The following C4orf54 variants were observed in gnomAD, a reference collection of about 807,000 sequenced individuals.
C4orf54 encodes the protein uncharacterized protein C4orf54.
Under a neutral mutation model 80.1 loss-of-function variants are expected in C4orf54, and 67 were observed. That is an observed-to-expected ratio of 0.84 (90% confidence interval 0.69 to 1.03). C4orf54 has a LOEUF of 1.03. Among genes scored for constraint, C4orf54 ranks in the 50% least tolerant of loss-of-function variants. The pLI, the probability that C4orf54 is intolerant of heterozygous loss-of-function variation, is 0.00. For missense variants in C4orf54, 2,434 were observed against 2,253.5 expected (o/e 1.08, Z -1.62); for synonymous variants, 1,000 against 917.0 (o/e 1.09, Z -1.64).
At position 99,654,373 on chromosome 4, in the gene C4orf54, T is replaced by G. The variant is rs1223465949; in HGVS notation, c.276A>C (p.Ala92=). Residue 92 remains alanine, a synonymous_variant, in exon 2 of 3, where the codon GCA becomes GCC. Transcript: ENST00000511828. ...QGLKNWEVVA[A]VAAVPTALGP... is the part of the protein sequence containing the mutation. ...CCAAGGCTGTAGGCACTGCTGCCAC[T>G]GCTGCCACCACCTCCCAGTTCTTCA... The G allele has an allele frequency of 2.9e-6, 3 of 1,024,764 alleles. No individual in the cohort carries two copies. The highest frequency in any genetic ancestry group is 2.7e-5 in the South Asian group (2 of 73,904). 63.5% of individuals were successfully genotyped at this position (1,024,764 alleles called of 1,614,324 possible). A position where few individuals can be genotyped will look rare whatever the true frequency, so the allele number is the denominator to read the frequency against.
chr4:99,652,346 G>A lies in C4orf54; in HGVS notation c.2303C>T (p.Pro768Leu). The change falls in exon 2 of 3, where the codon CCC becomes CTC. Residue 768 changes from proline to leucine, a missense_variant. By Grantham distance (98) the Pro-to-Leu change is moderately conservative. Coordinates refer to ENST00000511828, the MANE Select transcript of C4orf54 (RefSeq NM_001354435.2). ...GCCGGGGCCTTTGGTGGCCCTGCCG[G>A]GCCCAGGGGCCGAGCTGGCTTTGCT... ...SESKASSAPGPGRATKGPGKG... is the reference protein window; with the variant it reads ...SESKASSAPGLGRATKGPGKG... 6.5e-7 allele frequency: 1 copy of A among 1,536,012 alleles called. No homozygotes were observed. The highest frequency in any genetic ancestry group is 8.7e-7 in the Non-Finnish European group (1 of 1,146,866).
rs551329277 is a variant in C4orf54, at chr4:99,637,689, C to T, written c.*3544G>A. On this transcript the variant is annotated 3_prime_UTR_variant, in exon 3 of 3. Transcript: ENST00000511828. ...TCAAACAAACTTACACAAAAAATTTCCCCCTCAACAGTACTGATAAAATAC... is the reference window on the plus strand; with the variant it reads ...TCAAACAAACTTACACAAAAAATTTTCCCCTCAACAGTACTGATAAAATAC... The T allele has an allele frequency of 1.3e-5, 2 of 152,180 alleles. No homozygotes were observed. Among genetic ancestry groups the T allele is most frequent in the African/African-American group, 4.8e-5 (2 of 41,526 alleles). The allele number at this position is 152,180 out of a possible 1,614,324, so 9.4% of individuals were successfully genotyped here.
Position 99,649,487 on chromosome 4 carries a change from G to C in C4orf54, c.5162C>G (p.Thr1721Arg). ...AEPSSKEAAA[T>R]FTEAPYFMAS... Reference sequence around the variant, plus strand: ...CATGAAGTATGGGGCCTCGGTGAACGTTGCAGCTGCCTCTTTGCTGGAAGG... The same window carrying C: ...CATGAAGTATGGGGCCTCGGTGAACCTTGCAGCTGCCTCTTTGCTGGAAGG... The change falls in exon 2 of 3, where the codon ACG (threonine) becomes AGG (arginine). Residue 1721 changes from threonine (T) to arginine (R), a missense_variant. Coordinates refer to ENST00000511828, the MANE Select transcript of C4orf54 (RefSeq NM_001354435.2). 6.5e-7 allele frequency: 1 copy of C among 1,536,206 alleles called. No individual in the cohort carries two copies. Among genetic ancestry groups the C allele is most frequent in the Non-Finnish European group, 8.7e-7 (1 of 1,146,932 alleles).
Position 99,640,744 on chromosome 4 carries a change from A to G in C4orf54, c.*489T>C, listed in dbSNP as rs1033158298. ...CATCATAGTGAAAACTTAAATACGTATTACAACTCAGCCAGCTAGTCTTGA... is the reference window on the plus strand; with the variant it reads ...CATCATAGTGAAAACTTAAATACGTGTTACAACTCAGCCAGCTAGTCTTGA... On this transcript the variant is annotated 3_prime_UTR_variant, in exon 3 of 3. Coordinates refer to ENST00000511828, the MANE Select transcript of C4orf54 (RefSeq NM_001354435.2). 8.5e-5 allele frequency: 13 copies of G among 152,192 alleles called. No homozygotes were observed. Among genetic ancestry groups the G allele is most frequent in the African/African-American group, 9.6e-5 (4 of 41,458 alleles). 9.4% of individuals were successfully genotyped at this position (152,192 alleles called of 1,614,324 possible).
chr4:99,654,302 G>T lies in C4orf54; in HGVS notation c.347C>A (p.Pro116His). 2 of 1,529,772 alleles carry T rather than the reference G, an allele frequency of 1.3e-6. No homozygotes were observed. The highest frequency in any genetic ancestry group is 1.8e-6 in the Non-Finnish European group (2 of 1,141,146). The allele number at this position is 1,529,772 out of a possible 1,614,324, so 94.8% of individuals were successfully genotyped here. A position where few individuals can be genotyped will look rare whatever the true frequency, so the allele number is the denominator to read the frequency against. ...RGTLLRATLQ[P>H]LRGQRRTQDF... ...TTGGGTCCGTCTCTGGCCCCGGAGG[G>T]GCTGCAGAGTTGCCCGAAGCAGGGT... The change falls in exon 2 of 3, where the codon CCC becomes CAC. Residue 116 changes from proline to histidine, a missense_variant. Pro to His is a moderately conservative substitution (Grantham distance 77, BLOSUM62 -2). Transcript: ENST00000511828.
At position 99,654,181 on chromosome 4, in the gene C4orf54, T is replaced by G. The variant is rs1317815377; in HGVS notation, c.468A>C (p.Ala156=). The G allele has an allele frequency of 8.5e-6, 13 of 1,536,074 alleles. No homozygotes were observed. Among genetic ancestry groups the G allele is most frequent in the Non-Finnish European group, 1.1e-5 (13 of 1,146,916 alleles). The stretch of plus-strand genomic sequence containing the variant: ...CCCCGTCCCCCACCTCCGCCTGTCT[T>G]GCTTTCGAATTCAGCTCAGGAGGGG... ...EAAPPELNSK[A]RQAEVGDGVS... Residue 156 remains alanine, a synonymous_variant, in exon 2 of 3, where the codon GCA becomes GCC. Coordinates refer to ENST00000511828, the MANE Select transcript of C4orf54 (RefSeq NM_001354435.2).
At chr4:99,645,410 T>TAAAAAAAAAAAAAAAAAAAAAA (rs70958324) in intron 2 of C4orf54, among the ~76,000 whole-genome samples, 1 of 55,884 alleles carries the variant, frequency 1.8e-5, no homozygotes, top group Non-Finnish European at 3.3e-5. Context: ...AGGCTTACAG[T>TAAAAAAAAAAAAAAAAAAAAAA]AAAAAAAAAA....
chr4:99,651,104 A>T lies in C4orf54; in HGVS notation c.3545T>A (p.Val1182Asp). The T allele has an allele frequency of 6.5e-7, 1 of 1,534,858 alleles. No homozygotes were observed. Residue 1182 changes from valine (V) to aspartate (D), a missense_variant, in exon 2 of 3, where the codon GTC becomes GAC. Physicochemically the swap from Val to Asp is radical, Grantham distance 152. Coordinates refer to ENST00000511828, the MANE Select transcript of C4orf54 (RefSeq NM_001354435.2). ...ESMGKGGGSR[V>D]LNSSSPEGTV... ...CCCTTCTGGGGAGGAAGAATTCAAG[A>T]CTCTGCTGCCGCCCCCTTTGCCCAT...
chr4:99,655,829 G>A (rs558560556), intron 1 of C4orf54, among the ~76,000 whole-genome samples: 152 of 152,166 alleles, frequency 1.0e-3, no homozygotes, highest in Non-Finnish European at 1.9e-3. Context: ...CACTTATGCC[G>A]ATTGAATAAA....
chr4:99,656,030 C>A (rs192147474), intron 1 of C4orf54, among the ~76,000 whole-genome samples: 1 of 152,292 alleles, frequency 6.6e-6, no homozygotes, highest in Admixed American at 6.5e-5. Context: ...ACAACACAAG[C>A]CTGCCGTTAT....
At chr4:99,641,763 G>T (rs576936345) in intron 2 of C4orf54, among the ~76,000 whole-genome samples, 2 of 152,100 alleles carry the variant, frequency 1.3e-5, no homozygotes, top group Non-Finnish European at 2.9e-5. Context: ...CTTGCTGAAG[G>T]TTAGCCTTCT....
intron 2 of C4orf54, among the ~76,000 whole-genome samples, chr4:99,643,947 C>T (rs1029812747): frequency 3.9e-5 from 6 of 152,090 alleles, no homozygotes; most frequent in African/African-American, 1.2e-4. Flanking sequence ...AACCCTTTAA[C>T]GTACTGATGT....
chr4:99,649,157 C>T (rs1726749025), intron 2 of C4orf54, 74 bp downstream of exon 2: 1 of 1,318,992 alleles, frequency 7.6e-7, no homozygotes, highest in Non-Finnish European at 1.0e-6. Context: ...TTGTAAATCT[C>T]TCACTTCAAA....
chr4:99,650,461 G>C lies in C4orf54; in HGVS notation c.4188C>G (p.Asn1396Lys), dbSNP rs1175767646. The change falls in exon 2 of 3, where the codon AAC becomes AAG. Residue 1396 changes from asparagine to lysine, a missense_variant. Transcript: ENST00000511828. ...TGCTGCTGGCACTCACTGTGAACACGTTCCGGTTGCTGGGGAGTGGTGGGA... is the reference window on the plus strand; with the variant it reads ...TGCTGCTGGCACTCACTGTGAACACCTTCCGGTTGCTGGGGAGTGGTGGGA... ...QPLPPLPSNR[N>K]VFTVSASSIQ... The C allele has an allele frequency of 1.4e-5, 21 of 1,535,944 alleles. No individual in the cohort carries two copies. The highest frequency in any genetic ancestry group is 1.8e-5 in the Non-Finnish European group (21 of 1,146,872).
In C4orf54 at chr4:99,649,267, T is replaced by A. The variant is rs1256831534; in HGVS notation, c.5382A>T (p.Ter1794CysextTer1). Residue 1794 changes from the stop codon to cysteine, a stop_lost, in exon 2 of 3, where the codon TGA (stop) becomes TGT (cysteine). Coordinates refer to ENST00000511828, the MANE Select transcript of C4orf54 (RefSeq NM_001354435.2). Reference sequence around the variant, plus strand: ...CATTCCGCTTCCTGGTGGCTGCTCATCATCTGTGTTCTACCACAAAGCTCA... The same window carrying A: ...CATTCCGCTTCCTGGTGGCTGCTCAACATCTGTGTTCTACCACAAAGCTCA... ...TTMSFVVEHR[*>C] The A allele has an allele frequency of 6.7e-7, 1 of 1,502,918 alleles. No individual in the cohort carries two copies. Among genetic ancestry groups the A allele is most frequent in the East Asian group, 2.5e-5 (1 of 40,326 alleles). 93.1% of individuals were successfully genotyped at this position (1,502,918 alleles called of 1,614,324 possible).
At chr4:99,643,249 C>A (rs976938560) in intron 2 of C4orf54, among the ~76,000 whole-genome samples, 3 of 152,198 alleles carry the variant, frequency 2.0e-5, no homozygotes, top group Non-Finnish European at 4.4e-5. Flanking sequence ...GTCTTCACTA[C>A]TCTCCTGAAA....
Position 99,651,703 on chromosome 4 carries a change from G to A in C4orf54, c.2946C>T (p.Ser982=). ...WRADLGEISA[S]KNTIMSRLFV... Reference sequence around the variant, plus strand: ...AGAGGCGAGACATGATGGTGTTCTTGCTGGCAGAAATCTCCCCGAGATCAG... The same window carrying A: ...AGAGGCGAGACATGATGGTGTTCTTACTGGCAGAAATCTCCCCGAGATCAG... The change falls in exon 2 of 3, where the codon AGC becomes AGT. Residue 982 remains serine, a synonymous_variant. Coordinates refer to ENST00000511828, the MANE Select transcript of C4orf54 (RefSeq NM_001354435.2). 6.5e-7 allele frequency: 1 copy of A among 1,536,034 alleles called. No homozygotes were observed. The highest frequency in any genetic ancestry group is 8.7e-7 in the Non-Finnish European group (1 of 1,146,890).
rs1726511782 is a variant in C4orf54 at position 99,636,846 on chromosome 4, C to T, written c.*4387G>A. On this transcript the variant is annotated 3_prime_UTR_variant, in exon 3 of 3. Transcript: ENST00000511828. ...AGGAACTTTTCCACCAAGATTCCTA[C>T]GTTGAGAGCAGTTTAAAATTTCACA... The T allele has an allele frequency of 6.6e-6, 1 of 152,168 alleles. No homozygotes were observed. Among genetic ancestry groups the T allele is most frequent in the African/African-American group, 2.4e-5 (1 of 41,448 alleles). 9.4% of individuals were successfully genotyped at this position (152,168 alleles called of 1,614,324 possible). A position where few individuals can be genotyped will look rare whatever the true frequency, so the allele number is the denominator to read the frequency against.
rs1726859611 is a variant in C4orf54, at chr4:99,652,356, C to T, written c.2293G>A (p.Ala765Thr). ...NVRSESKASS[A>T]PGPGRATKGP... is the part of the protein sequence containing the mutation. ...TTGGTGGCCCTGCCGGGCCCAGGGG[C>T]CGAGCTGGCTTTGCTCTCACTGCGT... The change falls in exon 2 of 3, where the codon GCC (alanine) becomes ACC (threonine). Residue 765 changes from alanine to threonine, a missense_variant. Transcript: ENST00000511828. 1 of 1,535,930 alleles carries T rather than the reference C, an allele frequency of 6.5e-7. No homozygotes were observed. The highest frequency in any genetic ancestry group is 1.4e-5 in the African/African-American group (1 of 73,050).
Sources: gnomAD v4.1 joint callset for allele counts (sites outside exome capture counted in the v4.1 genomes callset) on GRCh38, gnomAD v4.1.1 for gene constraint, MANE v1.5 for transcripts, NCBI Gene and HGNC (gene_info 2026-07-23, HGNC 2026-07-21) for gene names.